The following SDK2 variants were observed in gnomAD, a reference collection of about 807,000 sequenced individuals.
SDK2 encodes the protein sidekick cell adhesion molecule 2.
A neutral mutation model predicts 253.9 loss-of-function variants in SDK2; 105 were observed. The observed-to-expected ratio is 0.41, with a 90% confidence interval of 0.35 to 0.49. The LOEUF (loss-of-function observed/expected upper bound fraction) is 0.49. Among genes scored for constraint, SDK2 ranks in the 20% least tolerant of loss-of-function variants. The pLI is 0.06. For missense variants in SDK2, 2,608 were observed against 3,003.0 expected (o/e 0.87, Z 3.07); for synonymous variants, 1,249 against 1,234.9 (o/e 1.01, Z -0.24).
At chr17:73,393,871 G>T in intron 26 of SDK2, 122 bp from the exon 27 acceptor site, 1 of 761,136 alleles carries the variant, frequency 1.3e-6, no homozygotes, top group Non-Finnish European at 2.0e-6. Context: ...TCCAGACCAG[G>T]GCTGGACCAT....
Position 73,431,735 on chromosome 17 carries a change from C to CA in SDK2, c.1313-67_1313-66insT, listed in dbSNP as rs1420446811. 6.9e-7 allele frequency: 1 copy of CA among 1,451,178 alleles called. No individual in the cohort carries two copies. Among genetic ancestry groups the CA allele is most frequent in the Non-Finnish European group, 9.2e-7 (1 of 1,091,394 alleles). 89.9% of individuals were successfully genotyped at this position (1,451,178 alleles called of 1,614,324 possible). A position where few individuals can be genotyped will look rare whatever the true frequency, so the allele number is the denominator to read the frequency against. On this transcript the variant is annotated intron_variant, in intron 10 of 44. Coordinates refer to ENST00000392650, the MANE Select transcript of SDK2 (RefSeq NM_001144952.2). The surrounding 1 kb of genome is among the most constrained non-coding windows in gnomAD (Gnocchi z 5.6). ...AGGGCACACCCTGCCCTTCCCTGGC[C>CA]GCTCCAGGGCAGCATGGTCCCCCCA... is the stretch of plus-strand genomic sequence containing the variant.
In SDK2 at chr17:73,387,941, G is replaced by C. The variant is rs2270724; in HGVS notation, c.4289C>G (p.Ser1430Cys). ...CTGGATGGTGTAGTAGCGCACAGGGGAGAGCCCGTCGCTCCCTGGCTCCCA... is the reference window on the plus strand; with the variant it reads ...CTGGATGGTGTAGTAGCGCACAGGGCAGAGCCCGTCGCTCCCTGGCTCCCA... ...LSWEPGSDGL[S>C]PVRYYTIQTR... Residue 1430 changes from serine (S) to cysteine (C), a missense_variant, in exon 30 of 45, where the codon TCC becomes TGC. By Grantham distance (112) the Ser-to-Cys change is moderately radical (BLOSUM62 -1). This residue lies in a region of SDK2 where 1,103 missense variants were observed against 1,143.9 expected (regional missense o/e 0.96). Transcript: ENST00000392650. 6,479 of 1,582,294 alleles carry C rather than the reference G, an allele frequency of 4.1e-3. 181 individuals carry two copies. The East Asian group carries it at 0.079, about 19-fold the overall frequency.
In SDK2 at chr17:73,590,646, A is replaced by T. The variant is rs181689111; in HGVS notation, c.64+53379T>A. ...GAGGTGGGGAATCTGGGCATGGCCA[A>T]CCCGGAGAGTCACTCCTTGTCTATG... On this transcript the variant is annotated intron_variant, in intron 1 of 44. Coordinates refer to ENST00000392650, the MANE Select transcript of SDK2 (RefSeq NM_001144952.2). Among the ~76,000 whole-genome samples the T allele has an allele frequency of 4.9e-3, 742 of 152,278 alleles. 3 individuals are homozygous for T. Among genetic ancestry groups the T allele is most frequent in the Non-Finnish European group, 5.9e-3 (400 of 68,018 alleles).
At chr17:73,544,865 C>T (rs954266642) in intron 1 of SDK2, among the ~76,000 whole-genome samples, 8 of 152,136 alleles carry the variant, frequency 5.3e-5, no homozygotes, top group South Asian at 2.1e-4. Context: ...GCTGCTGGGG[C>T]GGCAGGTCCT....
In SDK2 at chr17:73,371,381, G is replaced by T. The variant is rs1247576464; in HGVS notation, c.4981-2788C>A. ...TGGTGGGGAGGAAGAGCTAGCGAGGGAAGCTGAGGAAAGCAAGCATTTTGA... is the reference window on the plus strand; with the variant it reads ...TGGTGGGGAGGAAGAGCTAGCGAGGTAAGCTGAGGAAAGCAAGCATTTTGA... On this transcript the variant is annotated intron_variant, in intron 36 of 44. Coordinates refer to ENST00000392650, the MANE Select transcript of SDK2 (RefSeq NM_001144952.2). Among the ~76,000 whole-genome samples the T allele has an allele frequency of 3.3e-5, 5 of 152,258 alleles. No homozygotes were observed. In the East Asian group the frequency reaches 9.7e-4, roughly 29 times the overall value.
At chr17:73,351,112 CT>C (rs11320990) in intron 41 of SDK2, among the ~76,000 whole-genome samples, 12,654 of 145,954 alleles carry the variant, frequency 0.087, 1,658 homozygotes, top group African/African-American at 0.28. Context: ...ACTTTTTCCC[CT>C]TTTTTTTTTT....
At chr17:73,509,137 C>T (rs114750531) in intron 1 of SDK2, among the ~76,000 whole-genome samples, 3,612 of 152,290 alleles carry the variant, frequency 0.024, 139 homozygotes, top group African/African-American at 0.082. Flanking sequence ...CTGTCATCTA[C>T]GGACTTGTCT....
At chr17:73,517,230 G>A (rs2064036494) in intron 1 of SDK2, 1 of 152,158 alleles carries the variant, frequency 6.6e-6, no homozygotes, top group Admixed American at 6.5e-5. Flanking sequence ...TCATCTGTGG[G>A]ACAAGACTAG....
chr17:73,456,076 A>G (rs959554524), intron 3 of SDK2, 23 bp from the exon 4 acceptor site: 1 of 1,464,734 alleles, frequency 6.8e-7, no homozygotes. Flanking sequence ...CAACGGCAGT[A>G]GGATCAGGGG....
At chr17:73,539,374 G>T (rs932940738) in intron 1 of SDK2, among the ~76,000 whole-genome samples, 1 of 152,166 alleles carries the variant, frequency 6.6e-6, no homozygotes, top group Non-Finnish European at 1.5e-5. Context: ...GGCAGGGTCA[G>T]CGGGAAGGGA....
intron 39 of SDK2, among the ~76,000 whole-genome samples, chr17:73,360,729 G>T (rs2062632881): frequency 6.6e-6 from 1 of 152,084 alleles, no homozygotes. Flanking sequence ...TGGATCACTT[G>T]AGGTCAGGAG....
intron 18 of SDK2, among the ~76,000 whole-genome samples, chr17:73,404,287 G>A (rs1467718467): frequency 6.6e-6 from 1 of 152,152 alleles, no homozygotes; most frequent in African/African-American, 2.4e-5. Flanking sequence ...CCAGTTGCAC[G>A]TGGAGAGGAG....
At chr17:73,582,783 A>C (rs990875941) in intron 1 of SDK2, among the ~76,000 whole-genome samples, 1 of 152,110 alleles carries the variant, frequency 6.6e-6, no homozygotes, top group Non-Finnish European at 1.5e-5. Context: ...CTGTCCATCC[A>C]AGAAGCCTTC....
intron 1 of SDK2, among the ~76,000 whole-genome samples, chr17:73,619,382 G>A (rs983537831): frequency 2.0e-5 from 3 of 152,146 alleles, no homozygotes; most frequent in African/African-American, 7.2e-5. Flanking sequence ...AAACAGTGTG[G>A]TACTACCATA....
intron 40 of SDK2, 135 bp downstream of exon 40, chr17:73,357,944 G>T: frequency 7.4e-7 from 1 of 1,346,056 alleles, no homozygotes; most frequent in South Asian, 1.2e-5. Context: ...TCCTCAACAG[G>T]GCCAGGTGAC....
intron 16 of SDK2, 132 bp downstream of exon 16, chr17:73,419,034 T>G: frequency 9.8e-7 from 1 of 1,016,134 alleles, no homozygotes; most frequent in South Asian, 1.5e-5. Context: ...GAGTAGGCAT[T>G]TCTTGTTACC....
In SDK2 at chr17:73,386,063, G is replaced by C. The variant is rs778429742; in HGVS notation, c.4499-146C>G. 195 of 462,870 alleles carry C rather than the reference G, an allele frequency of 4.2e-4. 2 individuals are homozygous for C. The highest frequency in any genetic ancestry group is 7.2e-4 in the Non-Finnish European group (177 of 245,288). The allele number at this position is 462,870 out of a possible 1,614,324, so 28.7% of individuals were successfully genotyped here. Reference sequence around the variant, plus strand: ...CATGCCTGCTGGCCCGATTTCTGCAGAACAAAGGGCTGGTGTAAAGGGGAG... The same window carrying C: ...CATGCCTGCTGGCCCGATTTCTGCACAACAAAGGGCTGGTGTAAAGGGGAG... On this transcript the variant is annotated intron_variant, in intron 31 of 44. Coordinates refer to ENST00000392650, the MANE Select transcript of SDK2 (RefSeq NM_001144952.2).
intron 1 of SDK2, among the ~76,000 whole-genome samples, chr17:73,554,574 C>T (rs2045114385): frequency 6.6e-6 from 1 of 152,238 alleles, no homozygotes; most frequent in Non-Finnish European, 1.5e-5. Flanking sequence ...ACCCCCATAA[C>T]ACCTTGGTCT....
At chr17:73,387,053 C>T (rs1169570586) in intron 30 of SDK2, among the ~76,000 whole-genome samples, 9 of 152,186 alleles carry the variant, frequency 5.9e-5, no homozygotes, top group African/African-American at 1.4e-4. Flanking sequence ...CTCCGCCTCC[C>T]GCGTTCAAGC....
Sources: gnomAD v4.1 joint callset for allele counts (sites outside exome capture counted in the v4.1 genomes callset) on GRCh38, gnomAD v4.1.1 for gene constraint, gnomAD v4.1.1 regional missense constraint, Gnocchi (gnomAD v3.1) non-coding constraint, MANE v1.5 for transcripts, NCBI Gene and HGNC (gene_info 2026-07-23, HGNC 2026-07-21) for gene names.